FUS: variants seen among roughly 807,000 people sequenced by gnomAD.
FUS encodes the protein FUS RNA binding protein, also known as RNA-binding protein FUS.
In FUS, 5 loss-of-function variants were observed where a neutral mutation model predicts 82.7. The observed-to-expected ratio is 0.06, with a 90% CI of 0.03 to 0.13. FUS has a LOEUF of 0.13. Among genes scored for constraint, FUS ranks in the 10% least tolerant of loss-of-function variants. FUS has a pLI of 1.00. For synonymous variants in FUS, 281 were observed against 247.4 expected (o/e 1.14, Z -1.27); for missense variants, 512 against 707.8 (o/e 0.72, Z 3.14).
intron 6 of FUS, chr16:31,186,484 C>T (rs576178927): frequency 1.1e-5 from 5 of 465,952 alleles, no homozygotes; most frequent in Middle Eastern, 6.0e-4. Context: ...CAACCACTTG[C>T]GACAAGAGGA....
At chr16:31,189,617 A>C in intron 9 of FUS, 48 bp from the exon 10 acceptor site, 1 of 1,613,356 alleles carries the variant, frequency 6.2e-7, no homozygotes, top group Non-Finnish European at 8.5e-7. Flanking sequence ...ATGGAAAGGG[A>C]GTACTGTAGC....
At chr16:31,186,869 C>T (rs1287491245) in intron 7 of FUS, 33 bp downstream of exon 7, 4 of 1,587,748 alleles carry the variant, frequency 2.5e-6, no homozygotes, top group South Asian at 1.1e-5. Flanking sequence ...ATTCCCAACT[C>T]CCAGCAATGC....
intron 6 of FUS, chr16:31,185,507 C>T (rs745786725): frequency 6.8e-6 from 4 of 592,022 alleles, no homozygotes; most frequent in South Asian, 6.1e-5. Context: ...ACTTCTTTCT[C>T]TGCAAGGGAA....
chr16:31,191,214 A>C, intron 14 of FUS, 104 bp downstream of exon 14: 1 of 1,523,076 alleles, frequency 6.6e-7, no homozygotes, highest in South Asian at 1.1e-5. Flanking sequence ...CTAGGTGGAA[A>C]GACCTGAGGT....
At chr16:31,180,321 G>T in intron 1 of FUS, 94 bp downstream of exon 1, 2 of 1,495,350 alleles carry the variant, frequency 1.3e-6, no homozygotes, top group Non-Finnish European at 9.1e-7. Flanking sequence ...CGGCGATCCC[G>T]TGTGGGATTT....
chr16:31,193,755 C>G (rs2079389778), downstream of FUS: 1 of 531,688 alleles, frequency 1.9e-6, no homozygotes, highest in East Asian at 3.9e-5. Flanking sequence ...ACCTCAGCCT[C>G]CCAAGTAGCT....
intron 1 of FUS, among the ~76,000 whole-genome samples, chr16:31,181,382 T>G (rs1409650980): frequency 1.3e-5 from 2 of 152,060 alleles, no homozygotes; most frequent in Non-Finnish European, 2.9e-5. Context: ...CAAAAGCGCT[T>G]TTGTTGCTTT....
At chr16:31,187,165 G>A (rs2079282682) in intron 7 of FUS, 4 of 435,306 alleles carry the variant, frequency 9.2e-6, no homozygotes, top group South Asian at 9.0e-5. Context: ...GCTGGAACAC[G>A]TGGTGCCATC....
chr16:31,190,461 T>C lies in FUS; in HGVS notation c.1292+63T>C, dbSNP rs2079337900. On this transcript the variant is annotated intron_variant, in intron 12 of 14. Transcript: ENST00000254108. ...TGCGTGCTCTTTGATATATTGGTAC[T>C]GAGGTATGTGCGTGTTTTCCAAAGA... is the stretch of plus-strand genomic sequence containing the variant. 3 of 1,608,108 alleles carry C rather than the reference T, an allele frequency of 1.9e-6. No homozygotes were observed. In the South Asian group the frequency reaches 3.3e-5, roughly 18 times the overall value.
rs1196063381 is a variant in FUS, at chr16:31,190,994, C to T, written c.1425C>T (p.Gly475=). Reference sequence around the variant, plus strand: ...ACTACGGGGATGATCGTCGTGGTGGCAGAGGAGGCTATGATCGAGGCGGCT... The same window carrying T: ...ACTACGGGGATGATCGTCGTGGTGGTAGAGGAGGCTATGATCGAGGCGGCT... ...GGNYGDDRRG[G]RGGYDRGGYR... is the part of the protein sequence containing the mutation. The change falls in exon 14 of 15, where the codon GGC becomes GGT. Residue 475 remains glycine (G), a synonymous_variant. Coordinates refer to ENST00000254108, the MANE Select transcript of FUS (RefSeq NM_004960.4). 1.2e-6 allele frequency: 2 copies of T among 1,613,456 alleles called. No individual in the cohort carries two copies. Among genetic ancestry groups the T allele is most frequent in the Admixed American group, 1.7e-5 (1 of 59,950 alleles).
chr16:31,180,894 A>C (rs1425576132), intron 1 of FUS, among the ~76,000 whole-genome samples: 1 of 149,790 alleles, frequency 6.7e-6, no homozygotes, highest in Non-Finnish European at 1.5e-5. Context: ...ACGGCCCGAG[A>C]GTTTTTCCCG....
chr16:31,192,041 A>G, downstream of FUS: 1 of 532,954 alleles, frequency 1.9e-6, no homozygotes, highest in Non-Finnish European at 3.6e-6. Flanking sequence ...TTTCACAGGA[A>G]GGAGAGTAAC....
At chr16:31,188,884 C>T (rs1252138316) in intron 8 of FUS, 1 of 553,586 alleles carries the variant, frequency 1.8e-6, no homozygotes, top group Non-Finnish European at 3.2e-6. Context: ...CTCCTGAGCC[C>T]TGGTTTCCAT....
At position 31,180,192 on chromosome 16, in the gene FUS, T is replaced by C; in HGVS notation, c.-23T>C. ...CGGTGTTGGAACTTCGTTGCTTGCTTGCCTGTGCGCGCGTGCGCGGACATG... is the reference window on the plus strand; with the variant it reads ...CGGTGTTGGAACTTCGTTGCTTGCTCGCCTGTGCGCGCGTGCGCGGACATG... On this transcript the variant is annotated 5_prime_UTR_variant, in exon 1 of 15. Coordinates refer to ENST00000254108, the MANE Select transcript of FUS (RefSeq NM_004960.4). 2 of 1,610,412 alleles carry C rather than the reference T, an allele frequency of 1.2e-6. No homozygotes were observed. The highest frequency in any genetic ancestry group is 2.2e-5 in the East Asian group (1 of 44,718).
rs112957921 is a variant in FUS, at chr16:31,182,861, T to C, written c.190+197T>C. On this transcript the variant is annotated intron_variant, in intron 3 of 14. Coordinates refer to ENST00000254108, the MANE Select transcript of FUS (RefSeq NM_004960.4). ...CCTCCTGAGTAGCTGGGATTACAGG[T>C]ACCTGCTACCACGCCTGGCTAATTT... The C allele has an allele frequency of 0.021, 12,974 of 625,468 alleles. 1,034 individuals carry two copies. The highest frequency in any genetic ancestry group is 0.19 in the African/African-American group (10,227 of 54,580). 38.7% of individuals were successfully genotyped at this position (625,468 alleles called of 1,614,324 possible). A position where few individuals can be genotyped will look rare whatever the true frequency, so the allele number is the denominator to read the frequency against.
intron 7 of FUS, chr16:31,187,949 C>A: frequency 3.1e-6 from 1 of 320,230 alleles, no homozygotes; most frequent in Non-Finnish European, 5.8e-6. Context: ...GGTGGCGAGC[C>A]CATCTCTCTT....
Position 31,190,281 on chromosome 16 carries a change from T to C in FUS, c.1175T>C (p.Met392Thr), listed in dbSNP as rs1158123541. The change falls in exon 12 of 15, where the codon ATG (methionine) becomes ACG (threonine). Residue 392 changes from methionine (M) to threonine (T), a missense_variant. Met to Thr is a moderately conservative substitution (Grantham distance 81, BLOSUM62 -1). This residue lies in a region of FUS where 63 missense variants were observed against 83.0 expected (regional missense o/e 0.76). Transcript: ENST00000254108. The stretch of plus-strand genomic sequence containing the variant: ...CTTGGTCTATCTGCATTAGGACCCA[T>C]GGGCCGTGGAGGCTATGGAGGTGGT... ...GRGGRGRGGP[M>T]GRGGYGGGGS... The C allele has an allele frequency of 3.1e-6, 5 of 1,613,990 alleles. No individual in the cohort carries two copies. The highest frequency in any genetic ancestry group is 1.1e-5 in the South Asian group (1 of 91,074).
chr16:31,193,390 C>T (rs763594844), downstream of FUS: 1 of 526,370 alleles, frequency 1.9e-6, no homozygotes, highest in South Asian at 1.5e-5. Context: ...GTCCCTGCCA[C>T]TGCTGGTTTC....
rs749604252 is a variant in FUS at position 31,189,667 on chromosome 16, A to G, written c.939A>G (p.Thr313=). The part of the protein sequence containing the change: ...DYFKQIGIIK[T]NKKTGQPMIN... ...TTACCTCATTTTGCTTTCTTCAGAC[A>G]AACAAGAAAACGGGACAGCCCATGA... is the stretch of plus-strand genomic sequence containing the variant. The change falls in exon 10 of 15, where the codon ACA becomes ACG. Residue 313 remains threonine (T), a splice_region_variant and synonymous_variant. Transcript: ENST00000254108. 6.2e-7 allele frequency: 1 copy of G among 1,614,246 alleles called. No homozygotes were observed. The highest frequency in any genetic ancestry group is 8.5e-7 in the Non-Finnish European group (1 of 1,180,042).
Sources: allele counts gnomAD v4.1 joint callset (sites outside exome capture counted in the v4.1 genomes callset), GRCh38; gene constraint gnomAD v4.1.1; regional missense constraint gnomAD v4.1.1; transcripts MANE v1.5; gene names NCBI Gene and HGNC (gene_info 2026-07-23, HGNC 2026-07-21).